Variants in PARP12 observed in about 807,000 individuals in gnomAD.
PARP12 encodes protein mono-ADP-ribosyltransferase PARP12.
PARP12 carries 59 observed loss-of-function variants against 72.4 expected under a neutral mutation model. That is an observed-to-expected ratio of 0.81 (90% CI 0.66 to 1.01). The LOEUF (loss-of-function observed/expected upper bound fraction) is 1.01, where lower values mean the gene tolerates loss of function less well. Among genes scored for constraint, PARP12 ranks in the 50% least tolerant of loss-of-function variants. The pLI is 0.00. For synonymous variants in PARP12, 403 were observed against 371.4 expected (o/e 1.09, Z -0.98); for missense variants, 851 against 914.0 (o/e 0.93, Z 0.89).
In PARP12 at chr7:140,057,233, G is replaced by A. The variant is rs1312669960; in HGVS notation, c.463-80C>T. 4 of 1,328,068 alleles carry A rather than the reference G, an allele frequency of 3.0e-6. No individual in the cohort carries two copies. The Admixed American group carries it at 6.5e-5, about 22-fold the overall frequency. 82.3% of individuals were successfully genotyped at this position (1,328,068 alleles called of 1,614,324 possible). A position where few individuals can be genotyped will look rare whatever the true frequency, so the allele number is the denominator to read the frequency against. ...CCTCCCCAGTGGCCAGTCCACTGGT[G>A]AGAAAGGGGCTTCACAAGCTGTGAT... On this transcript the variant is annotated intron_variant, in intron 2 of 11. Transcript: ENST00000263549.
At chr7:140,040,650 G>C (rs1272825403) in intron 6 of PARP12, among the ~76,000 whole-genome samples, 1 of 152,230 alleles carries the variant, frequency 6.6e-6, no homozygotes, top group African/African-American at 2.4e-5. Flanking sequence ...AGGGCATTCT[G>C]AGTGCAGTTA....
chr7:140,031,917 T>A (rs1815952869), intron 8 of PARP12, among the ~76,000 whole-genome samples: 1 of 152,086 alleles, frequency 6.6e-6, no homozygotes, highest in South Asian at 2.1e-4. Context: ...GAGATATATA[T>A]TTATGGTAAA....
In PARP12 at chr7:140,024,899, C is replaced by T. The variant is rs755861806; in HGVS notation, c.1781-14G>A. The stretch of plus-strand genomic sequence containing the variant: ...CAAAGTAGCTCCCTGAAATGACACA[C>T]GAGGGCTCAGCTGGTGGAGGGGCCT... On this transcript the variant is annotated splice_polypyrimidine_tract_variant and intron_variant, in intron 11 of 11. Transcript: ENST00000263549. 15 of 1,609,190 alleles carry T rather than the reference C, an allele frequency of 9.3e-6. No homozygotes were observed. The highest frequency in any genetic ancestry group is 2.7e-5 in the African/African-American group (2 of 74,954).
At chr7:140,051,760 C>T (rs1327794645) in intron 4 of PARP12, among the ~76,000 whole-genome samples, 1 of 152,162 alleles carries the variant, frequency 6.6e-6, no homozygotes, top group Non-Finnish European at 1.5e-5. Flanking sequence ...AAGTGAATGC[C>T]TACAGATTTC....
chr7:140,034,380 C>T (rs1427903103), intron 7 of PARP12, 49 bp from the exon 8 acceptor site: 2 of 1,426,432 alleles, frequency 1.4e-6, no homozygotes, highest in Non-Finnish European at 1.9e-6. Context: ...CATATACATA[C>T]ACACAGGATG....
At chr7:140,024,913 G>A in intron 11 of PARP12, 28 bp from the exon 12 acceptor site, 1 of 1,603,256 alleles carries the variant, frequency 6.2e-7, no homozygotes, top group Non-Finnish European at 8.5e-7. Flanking sequence ...GGCTCAGCTG[G>A]TGGAGGGGCC....
At chr7:140,032,047 A>G (rs1815958500) in intron 8 of PARP12, among the ~76,000 whole-genome samples, 1 of 152,164 alleles carries the variant, frequency 6.6e-6, no homozygotes, top group Non-Finnish European at 1.5e-5. Context: ...TTTAAGAAAA[A>G]TACCAGAAAG....
chr7:140,062,863 T>C lies in PARP12; in HGVS notation c.-16A>G. ...CCTGGGCCATGGCCGCTGGGCCTGC[T>C]CCCGTCGGACCGCGGGTGGCGCGAC... On this transcript the variant is annotated 5_prime_UTR_variant, in exon 1 of 12. Transcript: ENST00000263549. 1 of 1,277,160 alleles carries C rather than the reference T, an allele frequency of 7.8e-7. No individual in the cohort carries two copies. The highest frequency in any genetic ancestry group is 9.9e-7 in the Non-Finnish European group (1 of 1,014,176). 79.1% of individuals were successfully genotyped at this position (1,277,160 alleles called of 1,614,324 possible).
intron 2 of PARP12, 189 bp from the exon 3 acceptor site, chr7:140,057,342 C>G: frequency 1.6e-6 from 1 of 619,454 alleles, no homozygotes; most frequent in Non-Finnish European, 2.8e-6. Flanking sequence ...AAAAGGGGAA[C>G]GAAATGGAAA....
At position 140,062,834 on chromosome 7, in the gene PARP12, C is replaced by A; in HGVS notation, c.14G>T (p.Gly5Val). ...CACCTGGGTGACCTCACCGACGACG[C>A]CGGCCTGGGCCATGGCCGCTGGGCC... MAQA[G>V]VVGEVTQVLC... The change falls in exon 1 of 12, where the codon GGC becomes GTC. Residue 5 changes from glycine (G) to valine (V), a missense_variant. Gly to Val is a moderately radical substitution (Grantham distance 109). Coordinates refer to ENST00000263549, the MANE Select transcript of PARP12 (RefSeq NM_022750.4). 7.2e-7 allele frequency: 1 copy of A among 1,385,388 alleles called. No homozygotes were observed. Among genetic ancestry groups the A allele is most frequent in the South Asian group, 1.5e-5 (1 of 66,622 alleles). 85.8% of individuals were successfully genotyped at this position (1,385,388 alleles called of 1,614,324 possible). A position where few individuals can be genotyped will look rare whatever the true frequency, so the allele number is the denominator to read the frequency against.
chr7:140,037,746 G>A lies in PARP12; in HGVS notation c.1293C>T (p.Ala431=), dbSNP rs370234955. 37 of 1,614,046 alleles carry A rather than the reference G, an allele frequency of 2.3e-5. No homozygotes were observed. The highest frequency in any genetic ancestry group is 2.6e-5 in the Non-Finnish European group (31 of 1,180,026). The change falls in exon 7 of 12, where the codon GCC becomes GCT. Residue 431 remains alanine (A), a synonymous_variant. Coordinates refer to ENST00000263549, the MANE Select transcript of PARP12 (RefSeq NM_022750.4). ...DGQAATLKFQ[A]GKHNYELDFK... is the part of the protein sequence containing the mutation. ...AATCTAACTCGTAGTTGTGCTTTCC[G>A]GCCTGGAACTTCAAGGTGGCTGCCT...
intron 1 of PARP12, among the ~76,000 whole-genome samples, chr7:140,061,969 C>A (rs1171149824): frequency 1.7e-5 from 2 of 114,382 alleles, no homozygotes; most frequent in South Asian, 3.1e-4. Flanking sequence ...AATGCCCAGG[C>A]TCCCAGAAAT....
chr7:140,036,660 A>G, intron 7 of PARP12, among the ~76,000 whole-genome samples: 1 of 152,160 alleles, frequency 6.6e-6, no homozygotes, highest in East Asian at 1.9e-4. Context: ...AAAACCATAA[A>G]CTGTGTTTAA....
At chr7:140,059,691 GCA>G (rs1263456570) in intron 1 of PARP12, among the ~76,000 whole-genome samples, 9 of 152,290 alleles carry the variant, frequency 5.9e-5, no homozygotes, top group African/African-American at 2.2e-4. Context: ...CTCTCCCACT[GCA>G]CAGACCAAAA....
rs1046394880 is a variant in PARP12 at position 140,062,601 on chromosome 7, G to C, written c.247C>G (p.Pro83Ala). The C allele has an allele frequency of 5.3e-6, 8 of 1,521,510 alleles. No homozygotes were observed. The African/African-American group carries it at 7.1e-5, about 14-fold the overall frequency. 94.3% of individuals were successfully genotyped at this position (1,521,510 alleles called of 1,614,324 possible). A position where few individuals can be genotyped will look rare whatever the true frequency, so the allele number is the denominator to read the frequency against. ...RLCRAHQGSK[P>A]GCVGLCAQLH... ...TGCGCGCAGAGCCCCACGCAGCCCG[G>C]CTTGGAGCCCTGGTGCGCGCGACAC... The change falls in exon 1 of 12, where the codon CCG becomes GCG. Residue 83 changes from proline to alanine, a missense_variant. Pro to Ala is a conservative substitution (Grantham distance 27). Coordinates refer to ENST00000263549, the MANE Select transcript of PARP12 (RefSeq NM_022750.4).
intron 6 of PARP12, 82 bp from the exon 7 acceptor site, chr7:140,037,938 C>T (rs1438487880): frequency 2.6e-6 from 4 of 1,540,100 alleles, no homozygotes; most frequent in African/African-American, 1.4e-5. Context: ...CGCCACATTT[C>T]AGAGGTGCTC....
At chr7:140,051,129 T>C (rs893979946) in intron 4 of PARP12, among the ~76,000 whole-genome samples, 3 of 152,314 alleles carry the variant, frequency 2.0e-5, no homozygotes, top group African/African-American at 7.2e-5. Flanking sequence ...ATATTGCCTA[T>C]GATGATGGCT....
At chr7:140,025,771 C>G (rs1815715006) in intron 11 of PARP12, among the ~76,000 whole-genome samples, 1 of 152,060 alleles carries the variant, frequency 6.6e-6, no homozygotes, top group African/African-American at 2.4e-5. Context: ...AAATAACAGA[C>G]AAGAAAACAC....
At position 140,057,944 on chromosome 7, in the gene PARP12, C is replaced by T. The variant is rs750908912; in HGVS notation, c.417G>A (p.Glu139=). The T allele has an allele frequency of 6.2e-7, 1 of 1,614,228 alleles. No homozygotes were observed. The highest frequency in any genetic ancestry group is 8.5e-7 in the Non-Finnish European group (1 of 1,180,044). ...CGTTCTGAAACAAGAGTTGGCATAG[C>T]TCATTATAGCTCAGGTGGTCAACGC... ...THGVDHLSYN[E]LCQLLFQNDP... The change falls in exon 2 of 12, where the codon GAG becomes GAA. Residue 139 remains glutamate, a synonymous_variant. Transcript: ENST00000263549.
Sources: gnomAD v4.1 joint callset for allele counts (sites outside exome capture counted in the v4.1 genomes callset) on GRCh38, gnomAD v4.1.1 for gene constraint, MANE v1.5 for transcripts, NCBI Gene and HGNC (gene_info 2026-07-23, HGNC 2026-07-21) for gene names.